PTPRM: variants seen among roughly 807,000 people sequenced by gnomAD.
The protein encoded by PTPRM is protein tyrosine phosphatase receptor type M.
Under a neutral mutation model 186.7 loss-of-function variants are expected in PTPRM, and 47 were observed. The observed-to-expected ratio is 0.25, with a 90% CI of 0.20 to 0.32. PTPRM has a LOEUF of 0.32. PTPRM is among the 10% of genes least tolerant of loss of function. PTPRM has a pLI of 1.00. For missense variants in PTPRM, 1,494 were observed against 1,865.0 expected, an observed-to-expected ratio of 0.80 and a Z score of 3.66; for synonymous variants, 668 against 674.9, an observed-to-expected ratio of 0.99 and a Z score of 0.16.
chr18:7,749,124 A>C (rs1210650609), intron 1 of PTPRM: 1 of 152,060 alleles, frequency 6.6e-6, no homozygotes, highest in East Asian at 1.9e-4. Flanking sequence ...TGCCCAGAAA[A>C]ACACCCTGAA....
At chr18:7,859,735 A>G (rs2047266527) in intron 2 of PTPRM, among the ~76,000 whole-genome samples, 1 of 152,220 alleles carries the variant, frequency 6.6e-6, no homozygotes, top group Non-Finnish European at 1.5e-5. Flanking sequence ...GTTGAAGACC[A>G]GAGCTAGTAG....
intron 7 of PTPRM, among the ~76,000 whole-genome samples, chr18:8,050,560 C>T (rs1205286392): frequency 3.3e-5 from 5 of 151,668 alleles, no homozygotes; most frequent in Admixed American, 2.6e-4. Flanking sequence ...CATTCACTTT[C>T]GTAGGCTTGA....
chr18:8,373,126 C>T (rs144942168), intron 24 of PTPRM, among the ~76,000 whole-genome samples: 60 of 152,236 alleles, frequency 3.9e-4, no homozygotes, highest in African/African-American at 1.1e-3. Context: ...ATTTTCTAAC[C>T]GGGCAATTGG....
chr18:8,115,133 C>A (rs563273816), intron 13 of PTPRM, among the ~76,000 whole-genome samples: 7 of 152,154 alleles, frequency 4.6e-5, no homozygotes, highest in African/African-American at 1.4e-4. Context: ...TCTCAGTACA[C>A]GTTTTTTAAT....
chr18:8,384,303 C>A lies in PTPRM; in HGVS notation c.3919-258C>A, dbSNP rs533767871. On this transcript the variant is annotated intron_variant, in intron 29 of 32. Coordinates refer to ENST00000580170, the MANE Select transcript of PTPRM (RefSeq NM_001105244.2). ...CGAGATCCCTGTGTCTCCAAAAATA[C>A]AAAAATTAGCCAGGCATGGTAGCAC... Among the ~76,000 whole-genome samples the A allele has an allele frequency of 5.9e-5, 9 of 152,116 alleles. No homozygotes were observed. The East Asian group carries it at 1.6e-3, about 26-fold the overall frequency.
chr18:7,581,719 G>C (rs1005417775), intron 1 of PTPRM, among the ~76,000 whole-genome samples: 3 of 149,758 alleles, frequency 2.0e-5, no homozygotes, highest in African/African-American at 7.4e-5. Context: ...GCAGTGGTAC[G>C]ATTATAGTTC....
In PTPRM at chr18:8,031,991, AT is replaced by A. The variant is rs1428738159; in HGVS notation, c.1133-37692del. On this transcript the variant is annotated intron_variant, in intron 7 of 32. Transcript: ENST00000580170. ...CACAGTTATTCAGTATTAGGGAACTATTTGTCTATTCAATAAATTAGGGGAA... is the reference window on the plus strand; with the variant it reads ...CACAGTTATTCAGTATTAGGGAACTATTGTCTATTCAATAAATTAGGGGAA... Among the ~76,000 whole-genome samples, 3 of 152,212 alleles carry A rather than the reference AT, an allele frequency of 2.0e-5. No individual in the cohort carries two copies. In the East Asian group the frequency reaches 5.8e-4, roughly 29 times the overall value.
intron 22 of PTPRM, 128 bp downstream of exon 22, chr18:8,319,342 A>G (rs1601789031): frequency 3.3e-6 from 2 of 605,958 alleles, no homozygotes; most frequent in South Asian, 4.4e-5. Context: ...CGGCAGGTAC[A>G]CTCTTGCCTT....
intron 7 of PTPRM, among the ~76,000 whole-genome samples, chr18:7,956,201 TGAG>T (rs1353957847): frequency 2.0e-5 from 3 of 152,176 alleles, no homozygotes; most frequent in Non-Finnish European, 4.4e-5. Flanking sequence ...TGTGCTGAGA[TGAG>T]GAGATTCCAT....
chr18:7,837,128 G>T (rs1234727398), intron 2 of PTPRM, among the ~76,000 whole-genome samples: 1 of 152,090 alleles, frequency 6.6e-6, no homozygotes, highest in Non-Finnish European at 1.5e-5. Context: ...TCCTTTTTAA[G>T]TCCAATAACT....
chr18:8,398,434 C>G (rs2095855443), intron 32 of PTPRM, among the ~76,000 whole-genome samples: 1 of 152,202 alleles, frequency 6.6e-6, no homozygotes, highest in African/African-American at 2.4e-5. Context: ...AAAGTCCTAC[C>G]TGAACCTCAG....
chr18:7,771,321 T>C (rs994249691), intron 1 of PTPRM, among the ~76,000 whole-genome samples: 1 of 152,232 alleles, frequency 6.6e-6, no homozygotes, highest in African/African-American at 2.4e-5. Flanking sequence ...CTGTTGCCAT[T>C]TGAGCTTATT....
At chr18:7,754,156 T>C (rs2144659518) in intron 1 of PTPRM, among the ~76,000 whole-genome samples, 1 of 152,338 alleles carries the variant, frequency 6.6e-6, no homozygotes, top group Middle Eastern at 3.4e-3. Context: ...GCCCATGTTG[T>C]ATGGTTGTGT....
intron 1 of PTPRM, among the ~76,000 whole-genome samples, chr18:7,728,806 A>G (rs2040598842): frequency 6.6e-6 from 1 of 152,218 alleles, no homozygotes; most frequent in Non-Finnish European, 1.5e-5. Flanking sequence ...GAAATAATTA[A>G]TCTGTGTCCT....
At position 7,733,098 on chromosome 18, in the gene PTPRM, C is replaced by T. The variant is rs532218097; in HGVS notation, c.74-41051C>T. On this transcript the variant is annotated intron_variant, in intron 1 of 32. Coordinates refer to ENST00000580170, the MANE Select transcript of PTPRM (RefSeq NM_001105244.2). ...TTTACTTATTTTGTATTTTAAGTTC[C>T]GGGATACATGTACCGAATGTGCAGG... 1.7e-4 allele frequency among the ~76,000 whole-genome samples: 26 copies of T among 152,174 alleles called. No individual in the cohort carries two copies. The East Asian group carries it at 2.3e-3, about 14-fold the overall frequency.
intron 7 of PTPRM, among the ~76,000 whole-genome samples, chr18:8,010,309 CT>C (rs957738045): frequency 6.6e-6 from 1 of 152,194 alleles, no homozygotes; most frequent in Non-Finnish European, 1.5e-5. Context: ...CCTTCGGTGA[CT>C]TTTTGTCTCC....
intron 11 of PTPRM, among the ~76,000 whole-genome samples, chr18:8,097,334 T>C (rs2091062294): frequency 1.3e-5 from 2 of 152,196 alleles, no homozygotes; most frequent in Non-Finnish European, 2.9e-5. Flanking sequence ...CCTTTTGACA[T>C]GTATGTATGG....
chr18:8,342,767 G>C (rs1461414860), intron 22 of PTPRM, among the ~76,000 whole-genome samples: 1 of 152,088 alleles, frequency 6.6e-6, no homozygotes, highest in East Asian at 1.9e-4. Context: ...CTGGCCTTTT[G>C]TAATATATAT....
At chr18:7,776,588 G>A (rs1302805598) in intron 2 of PTPRM, among the ~76,000 whole-genome samples, 1 of 151,726 alleles carries the variant, frequency 6.6e-6, no homozygotes, top group Non-Finnish European at 1.5e-5. Context: ...TGCTAAACAT[G>A]ATGGTAATTA....
Sources: allele counts gnomAD v4.1 joint callset (sites outside exome capture counted in the v4.1 genomes callset), GRCh38; gene constraint gnomAD v4.1.1; transcripts MANE v1.5; gene names NCBI Gene and HGNC (gene_info 2026-07-23, HGNC 2026-07-21).